SLC39A9: variants seen among roughly 807,000 people sequenced by gnomAD.
SLC39A9 encodes zinc transporter ZIP9.
Under a neutral mutation model 28.4 loss-of-function variants are expected in SLC39A9, and 14 were observed. That is an observed-to-expected ratio of 0.49 (90% confidence interval 0.33 to 0.77). The LOEUF (loss-of-function observed/expected upper bound fraction) is 0.77. SLC39A9 is among the 30% of genes least tolerant of loss of function. The pLI, the probability that SLC39A9 is intolerant of heterozygous loss-of-function variation, is 0.02. For synonymous variants in SLC39A9, 119 were observed against 149.6 expected (o/e 0.80, Z 1.49); for missense variants, 283 against 381.1 (o/e 0.74, Z 2.14).
intron 1 of SLC39A9, among the ~76,000 whole-genome samples, chr14:69,414,125 A>G (rs1159237504): frequency 6.8e-6 from 1 of 147,694 alleles, no homozygotes; most frequent in East Asian, 2.0e-4. Flanking sequence ...GTCTCAGCTC[A>G]CTGCAACCTC....
chr14:69,439,950 G>T (rs1368543866), intron 2 of SLC39A9, among the ~76,000 whole-genome samples: 1 of 152,154 alleles, frequency 6.6e-6, no homozygotes, highest in African/African-American at 2.4e-5. Flanking sequence ...CCTGAAGCCG[G>T]GGTAATTTAT....
At chr14:69,454,605 A>C in intron 4 of SLC39A9, 1 of 429,924 alleles carries the variant, frequency 2.3e-6, no homozygotes, top group South Asian at 7.1e-5. Context: ...TGCTCTTTAC[A>C]TAAGTTATCT....
At chr14:69,433,233 G>A (rs970428346) in intron 2 of SLC39A9, among the ~76,000 whole-genome samples, 4 of 152,098 alleles carry the variant, frequency 2.6e-5, no homozygotes, top group African/African-American at 7.2e-5. Context: ...TCTGTTAATG[G>A]AGTGAATTGC....
intron 2 of SLC39A9, among the ~76,000 whole-genome samples, chr14:69,425,050 G>A (rs1271199072): frequency 3.3e-5 from 5 of 152,128 alleles, no homozygotes; most frequent in South Asian, 4.1e-4. Flanking sequence ...AAGAGTTTTG[G>A]CAGATATAAA....
chr14:69,449,446 G>A (rs565388223), intron 3 of SLC39A9, among the ~76,000 whole-genome samples: 37 of 152,118 alleles, frequency 2.4e-4, no homozygotes, highest in Non-Finnish European at 4.3e-4. Context: ...GCAACAAAGC[G>A]AGACGCCGTC....
chr14:69,440,785 T>C (rs1395850031), intron 2 of SLC39A9, among the ~76,000 whole-genome samples: 3 of 152,186 alleles, frequency 2.0e-5, no homozygotes, highest in African/African-American at 7.2e-5. Context: ...GCGATTCTCC[T>C]GCCTCAGCCT....
Position 69,458,359 on chromosome 14 carries a change from A to G in SLC39A9, c.694-4A>G, listed in dbSNP as rs755749500. 6.2e-7 allele frequency: 1 copy of G among 1,613,706 alleles called. No individual in the cohort carries two copies. Among genetic ancestry groups the G allele is most frequent in the South Asian group, 1.1e-5 (1 of 91,030 alleles). ...TTTTCCTCTTTCTCTCTTCTAATTC[A>G]CAGAGCAGTAAAGAAGCCCTTTCAG... On this transcript the variant is annotated splice_region_variant and splice_polypyrimidine_tract_variant and intron_variant, in intron 6 of 6. Coordinates refer to ENST00000336643, the MANE Select transcript of SLC39A9 (RefSeq NM_018375.5).
intron 3 of SLC39A9, among the ~76,000 whole-genome samples, chr14:69,449,223 C>G (rs1183372924): frequency 6.6e-6 from 1 of 152,072 alleles, no homozygotes; most frequent in Non-Finnish European, 1.5e-5. Flanking sequence ...GTGCCTTACT[C>G]CAAACAGCAA....
chr14:69,459,071 T>G lies in SLC39A9; in HGVS notation c.*478T>G. The G allele has an allele frequency of 1.0e-6, 1 of 987,820 alleles. No individual in the cohort carries two copies. The highest frequency in any genetic ancestry group is 1.2e-6 in the Non-Finnish European group (1 of 831,140). The allele number at this position is 987,820 out of a possible 1,614,324, so 61.2% of individuals were successfully genotyped here. A position where few individuals can be genotyped will look rare whatever the true frequency, so the allele number is the denominator to read the frequency against. ...GCTTTAGCATCTATGCCACATGCGT[T>G]GATGGAAGGTCATAGCACCCACTCA... On this transcript the variant is annotated 3_prime_UTR_variant, in exon 7 of 7. Coordinates refer to ENST00000336643, the MANE Select transcript of SLC39A9 (RefSeq NM_018375.5).
intron 2 of SLC39A9, among the ~76,000 whole-genome samples, chr14:69,425,380 A>T (rs1884132657): frequency 1.3e-5 from 2 of 152,210 alleles, no homozygotes; most frequent in African/African-American, 4.8e-5. Flanking sequence ...CACTATCCTA[A>T]CATTTGTCCT....
rs952863949 is a variant in SLC39A9, at chr14:69,398,738, C to A, written c.-632C>A. 1 of 220,476 alleles carries A rather than the reference C, an allele frequency of 4.5e-6. No homozygotes were observed. Among genetic ancestry groups the A allele is most frequent in the East Asian group, 1.4e-4 (1 of 7,062 alleles). 13.7% of individuals were successfully genotyped at this position (220,476 alleles called of 1,614,324 possible). A position where few individuals can be genotyped will look rare whatever the true frequency, so the allele number is the denominator to read the frequency against. ...CATGGCAGCTGTAGTATCGGCGACT[C>A]CGGGTCAAGGCCCGGTCGAGTGCAG... On this transcript the variant is annotated 5_prime_UTR_variant, in exon 1 of 7. Coordinates refer to ENST00000336643, the MANE Select transcript of SLC39A9 (RefSeq NM_018375.5).
intron 1 of SLC39A9, among the ~76,000 whole-genome samples, chr14:69,405,131 G>C (rs916271480): frequency 6.6e-6 from 1 of 152,148 alleles, no homozygotes; most frequent in African/African-American, 2.4e-5. Flanking sequence ...AGAACAGCAT[G>C]ACCTCCCACC....
intron 3 of SLC39A9, among the ~76,000 whole-genome samples, chr14:69,452,649 G>A (rs1045106833): frequency 5.9e-5 from 9 of 152,112 alleles, no homozygotes; most frequent in Non-Finnish European, 1.2e-4. Flanking sequence ...GTTTTCAAAC[G>A]ATGAATCTGA....
At chr14:69,455,898 A>G (rs776882570) in intron 6 of SLC39A9, 32 bp downstream of exon 6, 1 of 1,605,574 alleles carries the variant, frequency 6.2e-7, no homozygotes. Flanking sequence ...TATCTAAACC[A>G]GTGTCTTGTG....
intron 2 of SLC39A9, among the ~76,000 whole-genome samples, chr14:69,438,945 A>G (rs1369932857): frequency 1.3e-5 from 2 of 152,236 alleles, no homozygotes; most frequent in Admixed American, 6.5e-5. Context: ...ACAGTCAGGC[A>G]GACAAAAAAG....
chr14:69,424,348 C>A (rs1884071814), intron 2 of SLC39A9, 146 bp downstream of exon 2: 1 of 612,370 alleles, frequency 1.6e-6, no homozygotes, highest in African/African-American at 1.8e-5. Context: ...ATCTTGATAT[C>A]TTTGATATTG....
intron 3 of SLC39A9, among the ~76,000 whole-genome samples, chr14:69,444,402 C>T (rs923543345): frequency 6.6e-6 from 1 of 151,948 alleles, no homozygotes; most frequent in Non-Finnish European, 1.5e-5. Flanking sequence ...TTAAAATGGC[C>T]CTTAAACTTA....
chr14:69,413,480 A>T (rs1382849159), intron 1 of SLC39A9, among the ~76,000 whole-genome samples: 1 of 152,242 alleles, frequency 6.6e-6, no homozygotes, highest in Admixed American at 6.5e-5. Flanking sequence ...AAGAAAGGAC[A>T]TTATAACCAA....
chr14:69,415,191 T>G (rs1883502284), intron 1 of SLC39A9, among the ~76,000 whole-genome samples: 1 of 152,230 alleles, frequency 6.6e-6, no homozygotes, highest in African/African-American at 2.4e-5. Context: ...TAGTTTAACT[T>G]TATAAGGGAC....
Sources: gnomAD v4.1 joint callset for allele counts (sites outside exome capture counted in the v4.1 genomes callset) on GRCh38, gnomAD v4.1.1 for gene constraint, MANE v1.5 for transcripts, NCBI Gene and HGNC (gene_info 2026-07-23, HGNC 2026-07-21) for gene names.